Variants in CFAP74 observed in about 807,000 individuals in gnomAD.
CFAP74 encodes cilia and flagella associated protein 74, also known as cilia- and flagella-associated protein 74.
Under a neutral mutation model 188.9 loss-of-function variants are expected in CFAP74, and 124 were observed. The observed-to-expected ratio is 0.66, with a 90% CI of 0.57 to 0.76. CFAP74 has a LOEUF of 0.76. Ranked by LOEUF, CFAP74 falls within the 30% of genes least tolerant of loss-of-function variation. The probability of loss-of-function intolerance (pLI) is 0.00; values close to 1 mark genes in which losing one functional copy is unlikely to be tolerated. For synonymous variants in CFAP74, 956 were observed against 916.7 expected, an observed-to-expected ratio of 1.04 and a Z score of -0.77; for missense variants, 2,198 against 2,165.2, an observed-to-expected ratio of 1.02 and a Z score of -0.30.
chr1:1,987,902 C>G (rs769188739), intron 4 of CFAP74: 6 of 332,764 alleles, frequency 1.8e-5, no homozygotes, highest in Non-Finnish European at 3.0e-5. Context: ...CGTAGTTTCC[C>G]CGGGTGAAGT....
At position 1,938,935 on chromosome 1, in the gene CFAP74, C is replaced by T. The variant is rs775572583; in HGVS notation, c.2931G>A (p.Thr977=). 6 of 1,536,152 alleles carry T rather than the reference C, an allele frequency of 3.9e-6. No individual in the cohort carries two copies. The South Asian group carries it at 4.8e-5, about 12-fold the overall frequency. Residue 977 remains threonine (T), a synonymous_variant, in exon 25 of 39, where the codon ACG becomes ACA. Coordinates refer to ENST00000682832, the MANE Select transcript of CFAP74 (RefSeq NM_001304360.2). ...DGFGTILPLE[T]LQFCVIFQPT... ...GCTGGAAGATCACACAGAACTGCAG[C>T]GTTTCCAGGGGCAGGATCGTCCCAA...
chr1:1,972,209 G>A (rs1656134230), intron 8 of CFAP74, 127 bp from the exon 9 acceptor site: 2 of 719,562 alleles, frequency 2.8e-6, no homozygotes, highest in Admixed American at 4.1e-5. Flanking sequence ...GCCTCCCAAA[G>A]CGCTGGGATC....
chr1:1,956,585 C>T (rs79784725), intron 17 of CFAP74, 35 bp downstream of exon 17: 5 of 1,612,486 alleles, frequency 3.1e-6, no homozygotes, highest in Admixed American at 3.3e-5. Context: ...GGGGGCAGGT[C>T]CCCACACTCC....
At position 1,974,139 on chromosome 1, in the gene CFAP74, TCAGCTGTC is replaced by T. The variant is rs1179750368; in HGVS notation, c.552_559del (p.Thr185ProfsTer2). The T allele has an allele frequency of 3.1e-6, 5 of 1,612,302 alleles. No homozygotes were observed. Among genetic ancestry groups the T allele is most frequent in the African/African-American group, 1.3e-5 (1 of 74,804 alleles). ...CCCCGTGGCCTCCACCTCCTCACGG[TCAGCTGTC>T]CGGAAGGCCTCGAGTCGCCCCTCCT... On this transcript the variant is annotated frameshift_variant, in exon 7 of 39. Coordinates refer to ENST00000682832, the MANE Select transcript of CFAP74 (RefSeq NM_001304360.2). LOFTEE classifies it high-confidence loss of function.
At chr1:1,957,809 G>A (rs906275686) in intron 16 of CFAP74, among the ~76,000 whole-genome samples, 1 of 152,100 alleles carries the variant, frequency 6.6e-6, no homozygotes, top group African/African-American at 2.4e-5. Context: ...CCTGGTGCTC[G>A]GTGTCCTGGG....
At chr1:1,930,749 T>C (rs1327212471) in intron 25 of CFAP74, among the ~76,000 whole-genome samples, 4 of 152,132 alleles carry the variant, frequency 2.6e-5, no homozygotes, top group East Asian at 1.9e-4. Flanking sequence ...CAAGTTTAGA[T>C]AGTTGCAAAG....
chr1:1,964,771 CAG>C, intron 13 of CFAP74, 115 bp downstream of exon 13: 1 of 1,091,426 alleles, frequency 9.2e-7, no homozygotes, highest in Non-Finnish European at 1.3e-6. Context: ...GCCTGGGCGA[CAG>C]AGTGAGACTC....
rs1656221769 is a variant in CFAP74, at chr1:1,973,366, G to T, written c.675-319C>A. Among the ~76,000 whole-genome samples the T allele has an allele frequency of 6.6e-6, 1 of 152,052 alleles. No homozygotes were observed. Among genetic ancestry groups the T allele is most frequent in the South Asian group, 2.1e-4 (1 of 4,812 alleles). On this transcript the variant is annotated intron_variant, in intron 7 of 38. Coordinates refer to ENST00000682832, the MANE Select transcript of CFAP74 (RefSeq NM_001304360.2). The surrounding 1 kb of genome is among the most constrained non-coding windows in gnomAD (Gnocchi z 6.2). ...TGCTGTGGGGAGGGAGGAGGCAGGGGCTGGGGACCTTGTGTCTGCAGCCAG... is the reference window on the plus strand; with the variant it reads ...TGCTGTGGGGAGGGAGGAGGCAGGGTCTGGGGACCTTGTGTCTGCAGCCAG...
In CFAP74 at chr1:1,930,342, A is replaced by G. The variant is rs989494210; in HGVS notation, c.3012-6T>C. ...GGCAAGACAGCTTGAAGCACCTGCA[A>G]GCAGCAGCATGGGAGGCCCTCAGCC... On this transcript the variant is annotated splice_polypyrimidine_tract_variant and splice_region_variant and intron_variant, in intron 25 of 38. Transcript: ENST00000682832. The G allele has an allele frequency of 1.2e-5, 18 of 1,515,634 alleles. No individual in the cohort carries two copies. Among genetic ancestry groups the G allele is most frequent in the South Asian group, 2.4e-5 (2 of 82,424 alleles). 93.9% of individuals were successfully genotyped at this position (1,515,634 alleles called of 1,614,324 possible). A position where few individuals can be genotyped will look rare whatever the true frequency, so the allele number is the denominator to read the frequency against.
chr1:1,988,729 G>A (rs530730907), intron 3 of CFAP74, 74 bp from the exon 4 acceptor site: 1,706 of 1,570,710 alleles, frequency 1.1e-3, no homozygotes, highest in Non-Finnish European at 1.4e-3. Context: ...TGTGGCTGCC[G>A]GGGTAGGTGC....
In CFAP74 at chr1:1,985,442, C is replaced by A; in HGVS notation, c.444G>T (p.Glu148Asp). 6.2e-7 allele frequency: 1 copy of A among 1,614,114 alleles called. No homozygotes were observed. Among genetic ancestry groups the A allele is most frequent in the East Asian group, 2.2e-5 (1 of 44,882 alleles). Reference sequence around the variant, plus strand: ...ACTGCAGGTCTCTCTCGTTCTCCAGCTCTGCAAACAGGCGTCTGGACACGG... The same window carrying A: ...ACTGCAGGTCTCTCTCGTTCTCCAGATCTGCAAACAGGCGTCTGGACACGG... ...LQAVSRRLFA[E>D]LENERDLQSR... The change falls in exon 6 of 39, where the codon GAG becomes GAT. Residue 148 changes from glutamate to aspartate, a missense_variant. Transcript: ENST00000682832.
intron 18 of CFAP74, among the ~76,000 whole-genome samples, chr1:1,948,595 T>TTG (rs386366088): frequency 0.029 from 133 of 4,632 alleles, 3 homozygotes; most frequent in African/African-American, 0.13. Context: ...TTTCTTCTTG[T>TTG]TTTTTTTTTT....
At chr1:1,970,933 ACACACATGCACACCTGCACATGCACACAT>A (rs1655930053) in intron 9 of CFAP74, 117 bp from the exon 10 acceptor site, 3 of 1,202,466 alleles carry the variant, frequency 2.5e-6, no homozygotes, top group African/African-American at 3.0e-5. Context: ...ACACGTGCAC[ACACACATGCACACCTGCACATGCACACAT>A]CACACATGCA....
intron 14 of CFAP74, among the ~76,000 whole-genome samples, chr1:1,962,107 A>AC (rs1212976913): frequency 6.6e-6 from 1 of 152,260 alleles, no homozygotes; most frequent in African/African-American, 2.4e-5. Context: ...GCCATCCTGG[A>AC]CCTACAAACC....
chr1:1,987,173 A>C, intron 4 of CFAP74, 138 bp from the exon 5 acceptor site: 1 of 632,350 alleles, frequency 1.6e-6, no homozygotes, highest in Non-Finnish European at 2.7e-6. Context: ...GGGTCTCTCT[A>C]ACACCTTCAA....
chr1:1,987,023 G>T lies in CFAP74; in HGVS notation c.309C>A (p.Arg103=). ...LFTEKMRGEL[R]ACRQRRDLID... Reference sequence around the variant, plus strand: ...TCAGGTCCCGCCTCTGCCGACAGGCGCGCAGCTCCCCTCTGGAACAGGGAA... The same window carrying T: ...TCAGGTCCCGCCTCTGCCGACAGGCTCGCAGCTCCCCTCTGGAACAGGGAA... The change falls in exon 5 of 39, where the codon CGC becomes CGA. Residue 103 remains arginine (R), a synonymous_variant. Coordinates refer to ENST00000682832, the MANE Select transcript of CFAP74 (RefSeq NM_001304360.2). The T allele has an allele frequency of 6.3e-7, 1 of 1,597,806 alleles. No homozygotes were observed. Among genetic ancestry groups the T allele is most frequent in the Non-Finnish European group, 8.5e-7 (1 of 1,176,350 alleles).
chr1:2,003,300 G>C (rs1429204344), intron 1 of CFAP74, among the ~76,000 whole-genome samples: 1 of 152,158 alleles, frequency 6.6e-6, no homozygotes, highest in African/African-American at 2.4e-5. Context: ...CAAAATACTA[G>C]AGGCAAATCA....
Position 1,955,694 on chromosome 1 carries a change from C to A in CFAP74, c.2173G>T (p.Ala725Ser). The A allele has an allele frequency of 6.2e-7, 1 of 1,601,186 alleles. No individual in the cohort carries two copies. The highest frequency in any genetic ancestry group is 8.5e-7 in the Non-Finnish European group (1 of 1,172,080). ...LDKEQEEEQP[A>S]EPERLTTVIP... ...TTGGCCTGGCAGCCTGGCTCACCTGCGGGCTGCTCCTCCTCCTGCTCCTTG... is the reference window on the plus strand; with the variant it reads ...TTGGCCTGGCAGCCTGGCTCACCTGAGGGCTGCTCCTCCTCCTGCTCCTTG... The change falls in exon 18 of 39, where the codon GCA (alanine) becomes TCA (serine). Residue 725 changes from alanine (A) to serine (S), a missense_variant. Transcript: ENST00000682832.
At chr1:1,939,450 C>G (rs554139910) in intron 24 of CFAP74, 144 bp downstream of exon 24, 2 of 793,230 alleles carry the variant, frequency 2.5e-6, no homozygotes, top group East Asian at 2.7e-5. Flanking sequence ...GTGGGGAGGC[C>G]CAGGTGTGGA....
Sources: gnomAD v4.1 joint callset for allele counts (sites outside exome capture counted in the v4.1 genomes callset) on GRCh38, gnomAD v4.1.1 for gene constraint, Gnocchi (gnomAD v3.1) non-coding constraint, MANE v1.5 for transcripts, NCBI Gene and HGNC (gene_info 2026-07-23, HGNC 2026-07-21) for gene names.